TRIT1: variants seen among roughly 807,000 people sequenced by gnomAD.
TRIT1 encodes tRNA isopentenyltransferase 1, also known as tRNA dimethylallyltransferase.
A neutral mutation model predicts 51.2 loss-of-function variants in TRIT1; 43 were observed. The ratio of observed to expected loss-of-function variants is 0.84; its 90% CI spans 0.66 to 1.08. The LOEUF (loss-of-function observed/expected upper bound fraction) is 1.08. TRIT1 is among the 50% of genes least tolerant of loss of function. The pLI, the probability that TRIT1 is intolerant of heterozygous loss-of-function variation, is 0.00. For synonymous variants in TRIT1, 184 were observed against 203.9 expected (o/e 0.90, Z 0.83); for missense variants, 528 against 578.4 (o/e 0.91, Z 0.89).
At chr1:39,855,079 T>A (rs2124615542) in intron 2 of TRIT1, among the ~76,000 whole-genome samples, 1 of 152,344 alleles carries the variant, frequency 6.6e-6, no homozygotes, top group Non-Finnish European at 1.5e-5. Flanking sequence ...CTTGAACTCC[T>A]GAGCTCAAGC....
At chr1:39,873,641 T>C (rs767191283) in intron 1 of TRIT1, among the ~76,000 whole-genome samples, 2 of 152,202 alleles carry the variant, frequency 1.3e-5, no homozygotes, top group Non-Finnish European at 1.5e-5. Context: ...AAATGTACCA[T>C]GATGATGTAA....
chr1:39,860,052 C>T (rs1055247154), intron 1 of TRIT1, among the ~76,000 whole-genome samples: 97 of 152,274 alleles, frequency 6.4e-4, no homozygotes, highest in African/African-American at 2.2e-3. Context: ...GAAGGTAACC[C>T]AGAGCTAGCT....
intron 1 of TRIT1, among the ~76,000 whole-genome samples, chr1:39,867,270 C>T (rs1257591375): frequency 2.6e-5 from 4 of 152,152 alleles, no homozygotes; most frequent in Admixed American, 6.6e-5. Context: ...CTCAGCCTCC[C>T]GAGTGGCTGG....
At position 39,876,954 on chromosome 1, in the gene TRIT1, C is replaced by T. The variant is rs77552689; in HGVS notation, c.174+6364G>A. 2.6e-3 allele frequency among the ~76,000 whole-genome samples: 370 copies of T among 140,914 alleles called. 4 individuals are homozygous for T. The highest frequency in any genetic ancestry group is 9.7e-3 in the African/African-American group (359 of 37,190). 92.4% of individuals were successfully genotyped at this position (140,914 alleles called of 152,430 possible). On this transcript the variant is annotated intron_variant, in intron 1 of 10. Coordinates refer to ENST00000316891, the MANE Select transcript of TRIT1 (RefSeq NM_017646.6). ...AAAAAAAAAAACAAAAAAAAAAGGA[C>T]TGCCTTTGTCAGTTGTGGCAAATAC...
At chr1:39,843,734 T>TG (rs1268484016) in intron 10 of TRIT1, among the ~76,000 whole-genome samples, 9 of 152,166 alleles carry the variant, frequency 5.9e-5, no homozygotes, top group Non-Finnish European at 5.9e-5. Context: ...ATGAGCTGCC[T>TG]GGCTTCCCTT....
intron 4 of TRIT1, 48 bp from the exon 5 acceptor site, chr1:39,850,309 T>C (rs1557540815): frequency 1.1e-5 from 17 of 1,600,164 alleles, no homozygotes; most frequent in Non-Finnish European, 1.4e-5. Context: ...TAAAAACCAA[T>C]AGAAAATATT....
chr1:39,856,678 C>T (rs74069783), intron 2 of TRIT1, among the ~76,000 whole-genome samples: 3,204 of 151,862 alleles, frequency 0.021, 67 homozygotes, highest in East Asian at 0.11. Flanking sequence ...AAGGGCAATC[C>T]CCCTTATATT....
intron 3 of TRIT1, among the ~76,000 whole-genome samples, chr1:39,853,352 T>A (rs7535113): frequency 0.16 from 24,339 of 152,006 alleles, 3,507 homozygotes; most frequent in African/African-American, 0.39. Flanking sequence ...GGGTTTTTTT[T>A]AATATAATTT....
chr1:39,877,244 C>T (rs548385388), intron 1 of TRIT1, among the ~76,000 whole-genome samples: 1 of 150,636 alleles, frequency 6.6e-6, no homozygotes, highest in South Asian at 2.1e-4. Flanking sequence ...TGCCTGTAAT[C>T]CTAGCACTTT....
At chr1:39,881,043 C>T (rs934154444) in intron 1 of TRIT1, among the ~76,000 whole-genome samples, 1 of 151,714 alleles carries the variant, frequency 6.6e-6, no homozygotes, top group Non-Finnish European at 1.5e-5. Flanking sequence ...CATGGCGAAA[C>T]TCCGTCTCTA....
chr1:39,866,042 A>G (rs992167395), intron 1 of TRIT1, among the ~76,000 whole-genome samples: 1 of 144,260 alleles, frequency 6.9e-6, no homozygotes, highest in Non-Finnish European at 1.6e-5. Context: ...AAAAGAAAAG[A>G]AAAAGAAAAG....
chr1:39,853,808 C>T (rs1642731814), intron 3 of TRIT1, 162 bp downstream of exon 3: 1 of 590,694 alleles, frequency 1.7e-6, no homozygotes, highest in African/African-American at 1.9e-5. Context: ...TGGAGGAACA[C>T]ACTTCACACA....
intron 1 of TRIT1, among the ~76,000 whole-genome samples, chr1:39,882,119 C>T (rs571831679): frequency 5.5e-4 from 83 of 152,262 alleles, no homozygotes; most frequent in African/African-American, 1.8e-3. Flanking sequence ...GAAGAAGAAA[C>T]AAAGGCATGA....
chr1:39,861,378 A>G (rs1643235229), intron 1 of TRIT1, among the ~76,000 whole-genome samples: 1 of 152,154 alleles, frequency 6.6e-6, no homozygotes, highest in South Asian at 2.1e-4. Flanking sequence ...ACAACAACAA[A>G]AACTGGAAGA....
intron 1 of TRIT1, chr1:39,862,820 T>A: frequency 2.0e-6 from 2 of 985,448 alleles, no homozygotes; most frequent in Non-Finnish European, 1.2e-6. Flanking sequence ...AGTTTCAGCA[T>A]CACTCTACCT....
In TRIT1 at chr1:39,840,553, C is replaced by T. The variant is rs942722717; in HGVS notation, c.*1191G>A. Among the ~76,000 whole-genome samples, 8 of 152,154 alleles carry T rather than the reference C, an allele frequency of 5.3e-5. No homozygotes were observed. Among genetic ancestry groups the T allele is most frequent in the African/African-American group, 1.9e-4 (8 of 41,436 alleles). On this transcript the variant is annotated 3_prime_UTR_variant, in exon 11 of 11. Coordinates refer to ENST00000316891, the MANE Select transcript of TRIT1 (RefSeq NM_017646.6). ...CAATTATTTATAAGCTCCCTGAAGG[C>T]AAGAACCACATCTCATCTCTGCATT...
chr1:39,847,730 C>G (rs1386637700), intron 6 of TRIT1, 70 bp from the exon 7 acceptor site: 45 of 1,605,432 alleles, frequency 2.8e-5, no homozygotes, highest in Non-Finnish European at 3.8e-5. Context: ...GGAGATGGAC[C>G]TAGTTGAGCC....
At chr1:39,846,070 A>G (rs1343640453) in intron 8 of TRIT1, among the ~76,000 whole-genome samples, 1 of 152,236 alleles carries the variant, frequency 6.6e-6, no homozygotes, top group Non-Finnish European at 1.5e-5. Context: ...AGAAATTTGT[A>G]ATACAGCACT....
rs980543359 is a variant in TRIT1, at chr1:39,838,540, T to G, written c.*3204A>C. ...AGGCTGGAATGCAGTGGCATGATCATGTTTCACTGAAGCCTCAATCTCCCA... is the reference window on the plus strand; with the variant it reads ...AGGCTGGAATGCAGTGGCATGATCAGGTTTCACTGAAGCCTCAATCTCCCA... On this transcript the variant is annotated 3_prime_UTR_variant, in exon 11 of 11. Transcript: ENST00000316891. Among the ~76,000 whole-genome samples the G allele has an allele frequency of 2.6e-4, 39 of 152,220 alleles. No individual in the cohort carries two copies. The highest frequency in any genetic ancestry group is 9.4e-4 in the African/African-American group (39 of 41,450).
Sources: allele counts gnomAD v4.1 joint callset (sites outside exome capture counted in the v4.1 genomes callset), GRCh38; gene constraint gnomAD v4.1.1; transcripts MANE v1.5; gene names NCBI Gene and HGNC (gene_info 2026-07-23, HGNC 2026-07-21).